Variants in GPC5 observed in about 807,000 individuals in gnomAD.
GPC5 encodes glypican 5, also known as glypican-5.
In GPC5, 47 loss-of-function variants were observed where a neutral mutation model predicts 53.9. That is an observed-to-expected ratio of 0.87 (90% CI 0.69 to 1.11). GPC5 has a LOEUF of 1.11. GPC5 is among the 50% of genes most tolerant of loss of function. GPC5 has a pLI of 0.00. For synonymous variants in GPC5, 286 were observed against 263.3 expected (o/e 1.09, Z -0.84); for missense variants, 748 against 713.1 (o/e 1.05, Z -0.56).
chr13:91,540,213 T>G (rs1442360010), intron 2 of GPC5, among the ~76,000 whole-genome samples: 1 of 152,202 alleles, frequency 6.6e-6, no homozygotes, highest in East Asian at 1.9e-4. Flanking sequence ...AACTAACAGC[T>G]GGCCCTTCCA....
chr13:92,497,259 A>C (rs1200206300), intron 7 of GPC5, among the ~76,000 whole-genome samples: 3 of 152,098 alleles, frequency 2.0e-5, no homozygotes, highest in Non-Finnish European at 4.4e-5. Flanking sequence ...TAAGTCTTTA[A>C]TCAATCTTGA....
intron 7 of GPC5, among the ~76,000 whole-genome samples, chr13:92,724,078 G>A (rs1309113259): frequency 6.6e-6 from 1 of 151,432 alleles, no homozygotes; most frequent in Non-Finnish European, 1.5e-5. Flanking sequence ...TGTTTTTGTT[G>A]TATAAGTTTA....
chr13:92,759,016 T>TTTTG (rs1566405691), intron 7 of GPC5, among the ~76,000 whole-genome samples: 7 of 143,186 alleles, frequency 4.9e-5, no homozygotes, highest in Non-Finnish European at 7.6e-5. Context: ...TTTTTTTTTT[T>TTTTG]TTTGGTGCTG....
At chr13:92,809,642 A>C (rs1020367494) in intron 7 of GPC5, among the ~76,000 whole-genome samples, 6 of 152,170 alleles carry the variant, frequency 3.9e-5, no homozygotes, top group Non-Finnish European at 8.8e-5. Context: ...TTTGAAGTCA[A>C]TCTAAAATAT....
chr13:92,268,972 TATATTC>T (rs1446953045), intron 7 of GPC5, among the ~76,000 whole-genome samples: 1 of 152,194 alleles, frequency 6.6e-6, no homozygotes, highest in African/African-American at 2.4e-5. Flanking sequence ...ATTTGGTTGT[TATATTC>T]ATATTTATAT....
chr13:91,980,089 T>C (rs1261701965), intron 6 of GPC5, among the ~76,000 whole-genome samples: 1 of 152,160 alleles, frequency 6.6e-6, no homozygotes, highest in Non-Finnish European at 1.5e-5. Flanking sequence ...AAAGCTGTGA[T>C]TGGAGGGAAA....
intron 7 of GPC5, among the ~76,000 whole-genome samples, chr13:92,511,013 A>G (rs1178660234): frequency 2.0e-5 from 3 of 152,150 alleles, no homozygotes; most frequent in Non-Finnish European, 4.4e-5. Context: ...CACTATTATG[A>G]TTTTAATTAA....
At chr13:92,199,036 A>C (rs950562622) in intron 7 of GPC5, among the ~76,000 whole-genome samples, 1 of 152,224 alleles carries the variant, frequency 6.6e-6, no homozygotes, top group African/African-American at 2.4e-5. Context: ...ATACTCTTCT[A>C]TGGAAAAATA....
chr13:92,244,651 A>T (rs2042637363), intron 7 of GPC5, among the ~76,000 whole-genome samples: 1 of 152,126 alleles, frequency 6.6e-6, no homozygotes, highest in Non-Finnish European at 1.5e-5. Context: ...CTCCCAAACC[A>T]CTCACACAAT....
intron 7 of GPC5, among the ~76,000 whole-genome samples, chr13:92,467,662 G>A (rs1379365071): frequency 6.6e-6 from 1 of 152,046 alleles, no homozygotes; most frequent in Non-Finnish European, 1.5e-5. Flanking sequence ...CCTAAAACTA[G>A]CATGTAAAAG....
chr13:91,938,278 C>G (rs1285682889), intron 6 of GPC5, among the ~76,000 whole-genome samples: 1 of 152,016 alleles, frequency 6.6e-6, no homozygotes, highest in African/African-American at 2.4e-5. Flanking sequence ...AAGGAGCAGG[C>G]ATGTCACATG....
chr13:92,430,966 C>T (rs975609984), intron 7 of GPC5, among the ~76,000 whole-genome samples: 12 of 152,092 alleles, frequency 7.9e-5, no homozygotes, highest in Non-Finnish European at 7.4e-5. Flanking sequence ...AGACACAATA[C>T]AATAAATATT....
chr13:92,728,705 T>C (rs1011056136), intron 7 of GPC5, among the ~76,000 whole-genome samples: 1 of 151,456 alleles, frequency 6.6e-6, no homozygotes, highest in Admixed American at 6.6e-5. Flanking sequence ...AACATAATTG[T>C]ACTGTTCTAT....
At chr13:91,454,134 T>C (rs946540331) in intron 2 of GPC5, among the ~76,000 whole-genome samples, 6 of 152,044 alleles carry the variant, frequency 3.9e-5, no homozygotes, top group Non-Finnish European at 7.4e-5. Context: ...CCTTTATCTC[T>C]GCAATGTTAA....
intron 7 of GPC5, among the ~76,000 whole-genome samples, chr13:92,252,981 A>G (rs1175261323): frequency 6.6e-6 from 1 of 152,112 alleles, no homozygotes; most frequent in Admixed American, 6.6e-5. Context: ...TAGAAGTGCA[A>G]TGTGTCGAGG....
intron 3 of GPC5, among the ~76,000 whole-genome samples, chr13:91,717,680 C>T (rs2036368901): frequency 6.6e-6 from 1 of 152,064 alleles, no homozygotes; most frequent in Non-Finnish European, 1.5e-5. Context: ...TCTCAGCCTC[C>T]CGAGTAGCTG....
chr13:92,173,361 T>C (rs999236025), intron 7 of GPC5, among the ~76,000 whole-genome samples: 1 of 152,188 alleles, frequency 6.6e-6, no homozygotes, highest in Non-Finnish European at 1.5e-5. Context: ...GACTGTGGTA[T>C]GTGAAGACCC....
intron 5 of GPC5, among the ~76,000 whole-genome samples, chr13:91,847,597 A>G (rs1269843433): frequency 6.6e-6 from 1 of 152,214 alleles, no homozygotes; most frequent in Non-Finnish European, 1.5e-5. Context: ...TTCTAACCTA[A>G]GAATAAGAAG....
At chr13:92,610,928 A>C (rs1452861841) in intron 7 of GPC5, among the ~76,000 whole-genome samples, 1 of 151,104 alleles carries the variant, frequency 6.6e-6, no homozygotes, top group Non-Finnish European at 1.5e-5. Context: ...ATGATATCTG[A>C]GTGGGGACAA....
Sources: gnomAD v4.1 joint callset for allele counts (sites outside exome capture counted in the v4.1 genomes callset) on GRCh38, gnomAD v4.1.1 for gene constraint, MANE v1.5 for transcripts, NCBI Gene and HGNC (gene_info 2026-07-23, HGNC 2026-07-21) for gene names.